TTLL9: variants seen among roughly 807,000 people sequenced by gnomAD.
TTLL9 encodes the protein tubulin tyrosine ligase like 9.
A neutral mutation model predicts 65.6 loss-of-function variants in TTLL9; 47 were observed. The ratio of observed to expected loss-of-function variants is 0.72; its 90% CI spans 0.57 to 0.91. The LOEUF (loss-of-function observed/expected upper bound fraction) is 0.91. Among genes scored for constraint, TTLL9 ranks in the 40% least tolerant of loss-of-function variants. The pLI, the probability that TTLL9 is intolerant of heterozygous loss-of-function variation, is 0.00. For synonymous variants in TTLL9, 179 were observed against 204.8 expected (o/e 0.87, Z 1.07); for missense variants, 537 against 568.8 (o/e 0.94, Z 0.57).
chr20:31,916,773 G>A (rs548072131), intron 6 of TTLL9, among the ~76,000 whole-genome samples: 10 of 152,282 alleles, frequency 6.6e-5, no homozygotes, highest in African/African-American at 2.2e-4. Context: ...GAAGGAGCCC[G>A]GGATATTTCT....
At chr20:31,915,749 G>GGT (rs1407648073) in intron 6 of TTLL9, among the ~76,000 whole-genome samples, 4 of 152,034 alleles carry the variant, frequency 2.6e-5, no homozygotes, top group Non-Finnish European at 5.9e-5. Context: ...TATGTCAAAG[G>GGT]GTGTGTGTTT....
Position 31,871,135 on chromosome 20 carries a change from A to T in TTLL9, c.9A>T (p.Pro3=). 1 of 1,614,046 alleles carries T rather than the reference A, an allele frequency of 6.2e-7. No homozygotes were observed. Among genetic ancestry groups the T allele is most frequent in the Non-Finnish European group, 8.5e-7 (1 of 1,179,998 alleles). The change falls in exon 2 of 15, where the codon CCA becomes CCT. Residue 3 remains proline, a synonymous_variant. Coordinates refer to ENST00000535842, the MANE Select transcript of TTLL9 (RefSeq NM_001008409.5). ...TTCGGCCCCTAGGAGGGATGGTGCC[A>T]TCCAGGGAAGCTCTGCTGGGACCAG... The part of the protein sequence containing the change: MV[P]SREALLGPGT...
chr20:31,915,498 T>C (rs2063720281), intron 6 of TTLL9, among the ~76,000 whole-genome samples: 1 of 151,974 alleles, frequency 6.6e-6, no homozygotes, highest in Non-Finnish European at 1.5e-5. Flanking sequence ...AAAAGCATAA[T>C]ATAAAAATAT....
In TTLL9 at chr20:31,870,730, C is replaced by T; in HGVS notation, c.-225C>T. ...GTGGGGGCGGGGGCCTTACCCCACC[C>T]TGGCACCGGCAGGCGCGGGCGGATG... On this transcript the variant is annotated 5_prime_UTR_variant, in exon 1 of 15. Coordinates refer to ENST00000535842, the MANE Select transcript of TTLL9 (RefSeq NM_001008409.5). This position sits in a 1 kb window ranked among gnomAD's most constrained non-coding sequence, Gnocchi z 6.6. The T allele has an allele frequency of 1.7e-6, 1 of 588,932 alleles. No individual in the cohort carries two copies. The highest frequency in any genetic ancestry group is 2.6e-6 in the Non-Finnish European group (1 of 388,436). The allele number at this position is 588,932 out of a possible 1,614,324, so 36.5% of individuals were successfully genotyped here.
chr20:31,880,407 C>G (rs868670540), intron 2 of TTLL9, among the ~76,000 whole-genome samples: 1 of 152,102 alleles, frequency 6.6e-6, no homozygotes, highest in Non-Finnish European at 1.5e-5. Context: ...AGGGCACAGA[C>G]CAACTCTCCC....
Position 31,908,583 on chromosome 20 carries a change from AC to A in TTLL9, c.207-3del. On this transcript the variant is annotated splice_polypyrimidine_tract_variant and splice_region_variant and intron_variant, in intron 4 of 14. Coordinates refer to ENST00000535842, the MANE Select transcript of TTLL9 (RefSeq NM_001008409.5). Reference sequence around the variant, plus strand: ...TGACCTTTATCCCCGCCCCCACCCCACCCCCAGCGAAGGGGAGTGGGATTTC... The same window carrying A: ...TGACCTTTATCCCCGCCCCCACCCCACCCCAGCGAAGGGGAGTGGGATTTC... 1.3e-6 allele frequency: 2 copies of A among 1,532,966 alleles called. No individual in the cohort carries two copies. Among genetic ancestry groups the A allele is most frequent in the Non-Finnish European group, 1.8e-6 (2 of 1,108,206 alleles). The allele number at this position is 1,532,966 out of a possible 1,614,324, so 95.0% of individuals were successfully genotyped here.
intron 2 of TTLL9, chr20:31,884,133 A>G: frequency 2.2e-6 from 1 of 459,548 alleles, no homozygotes; most frequent in South Asian, 5.7e-5. Flanking sequence ...ATACTTCTAT[A>G]TATGTATCAG....
intron 3 of TTLL9, among the ~76,000 whole-genome samples, chr20:31,890,150 C>CTTTCTTTCTTTCTTTCTTTCTTTCTTTCT (rs1300422017): frequency 6.0e-5 from 1 of 16,748 alleles, no homozygotes; most frequent in Non-Finnish European, 1.2e-4. Context: ...TCCTTCCTTC[C>CTTTCTTTCTTTCTTTCTTTCTTTCTTTCT]TTCCTTCTTT....
chr20:31,885,377 T>G (rs1018861930), intron 2 of TTLL9, among the ~76,000 whole-genome samples: 1 of 151,912 alleles, frequency 6.6e-6, no homozygotes, highest in East Asian at 1.9e-4. Flanking sequence ...TCGAGATAGA[T>G]CCACGTATGC....
chr20:31,891,799 A>C (rs1240142940), intron 3 of TTLL9, among the ~76,000 whole-genome samples: 1 of 152,114 alleles, frequency 6.6e-6, no homozygotes, highest in Non-Finnish European at 1.5e-5. Flanking sequence ...TAAGCTGATA[A>C]ATTTTATTTT....
chr20:31,908,648 CCACACCTACATGGAT>C lies in TTLL9; in HGVS notation c.265_279del (p.His89_Asp93del). 6.2e-7 allele frequency: 1 copy of C among 1,614,146 alleles called. No homozygotes were observed. Among genetic ancestry groups the C allele is most frequent in the Non-Finnish European group, 8.5e-7 (1 of 1,180,038 alleles). On this transcript the variant is annotated inframe_deletion, in exon 5 of 15. Coordinates refer to ENST00000535842, the MANE Select transcript of TTLL9 (RefSeq NM_001008409.5). ...TCAGCTGGCTCCGGGAGAACTTCGA[CCACACCTACATGGAT>C]GAACATGTGCGGATCAGTCACTTCC...
At chr20:31,873,098 GA>G in intron 2 of TTLL9, 1 of 491,696 alleles carries the variant, frequency 2.0e-6, no homozygotes, top group Non-Finnish European at 4.1e-6. Context: ...GAAAGAAGGG[GA>G]TGGACTCAGC....
At chr20:31,911,414 T>C (rs1014913505) in intron 6 of TTLL9, among the ~76,000 whole-genome samples, 6 of 152,140 alleles carry the variant, frequency 3.9e-5, no homozygotes, top group Admixed American at 6.5e-5. Flanking sequence ...AAGACTGGTG[T>C]CTGGTGTTGG....
At chr20:31,913,701 C>A (rs551329572) in intron 6 of TTLL9, among the ~76,000 whole-genome samples, 18 of 152,326 alleles carry the variant, frequency 1.2e-4, no homozygotes, top group Admixed American at 8.5e-4. Flanking sequence ...CCTCTTCCTA[C>A]CAGGCCAGAG....
rs147264766 is a variant in TTLL9 at position 31,917,819 on chromosome 20, C to G, written c.505-2045C>G. On this transcript the variant is annotated intron_variant, in intron 6 of 14. Transcript: ENST00000535842. ...CAAGACAGGTTTATTTTAGAGAAAACAAACCTGAGAGGAACCTTCTGGCTG... is the reference window on the plus strand; with the variant it reads ...CAAGACAGGTTTATTTTAGAGAAAAGAAACCTGAGAGGAACCTTCTGGCTG... Among the ~76,000 whole-genome samples, 139 of 152,304 alleles carry G rather than the reference C, an allele frequency of 9.1e-4. 3 individuals are homozygous for G. In the East Asian group the frequency reaches 0.026, roughly 28 times the overall value.
chr20:31,876,684 G>A (rs1417391266), intron 2 of TTLL9, among the ~76,000 whole-genome samples: 1 of 152,118 alleles, frequency 6.6e-6, no homozygotes. Flanking sequence ...GTCTAGTAGT[G>A]GAATATCTGG....
At chr20:31,930,161 C>T (rs764952618) in intron 10 of TTLL9, among the ~76,000 whole-genome samples, 6 of 151,806 alleles carry the variant, frequency 4.0e-5, no homozygotes, top group Non-Finnish European at 7.4e-5. Context: ...ATATTTTTAC[C>T]CTCCTATTGA....
intron 1 of TTLL9, 73 bp from the exon 2 acceptor site, chr20:31,871,049 T>G: frequency 2.9e-6 from 4 of 1,396,652 alleles, no homozygotes; most frequent in Non-Finnish European, 4.1e-6. Flanking sequence ...TCCTGTTCAC[T>G]CATTCACTCG....
Position 31,922,125 on chromosome 20 carries a change from C to T in TTLL9, c.574-838C>T, listed in dbSNP as rs560147535. ...CTCTACTAAAAATACAAAAATTAAC[C>T]ATGGTGGCTGTCACCTGTAATCCCA... On this transcript the variant is annotated intron_variant, in intron 7 of 14. Coordinates refer to ENST00000535842, the MANE Select transcript of TTLL9 (RefSeq NM_001008409.5). 8.5e-5 allele frequency among the ~76,000 whole-genome samples: 13 copies of T among 152,050 alleles called. No homozygotes were observed. In the East Asian group the frequency reaches 2.5e-3, roughly 29 times the overall value.
Sources: allele counts gnomAD v4.1 joint callset (sites outside exome capture counted in the v4.1 genomes callset), GRCh38; gene constraint gnomAD v4.1.1; non-coding constraint Gnocchi (gnomAD v3.1); transcripts MANE v1.5; gene names NCBI Gene and HGNC (gene_info 2026-07-23, HGNC 2026-07-21).